ZNF385B: variants seen among roughly 807,000 people sequenced by gnomAD.
The protein encoded by ZNF385B is zinc finger protein 385B, also known as zinc finger protein 533.
A neutral mutation model predicts 39.2 loss-of-function variants in ZNF385B; 23 were observed. The ratio of observed to expected loss-of-function variants is 0.59; its 90% CI spans 0.42 to 0.83. ZNF385B has a LOEUF of 0.83. Ranked by LOEUF, ZNF385B falls within the 40% of genes least tolerant of loss-of-function variation. The probability of loss-of-function intolerance (pLI) is 0.00; values close to 1 mark genes in which losing one functional copy is unlikely to be tolerated. For missense variants in ZNF385B, 552 were observed against 598.9 expected, an observed-to-expected ratio of 0.92 and a Z score of 0.82; for synonymous variants, 205 against 222.6, an observed-to-expected ratio of 0.92 and a Z score of 0.70.
intron 1 of ZNF385B, among the ~76,000 whole-genome samples, chr2:179,856,416 C>T (rs1431030031): frequency 1.3e-5 from 2 of 152,126 alleles, no homozygotes; most frequent in East Asian, 1.9e-4. Context: ...AAGTAACCCA[C>T]GCCCTTCATC....
intron 3 of ZNF385B, among the ~76,000 whole-genome samples, chr2:179,688,030 T>C (rs1421700866): frequency 6.6e-6 from 1 of 152,170 alleles, no homozygotes; most frequent in East Asian, 1.9e-4. Flanking sequence ...GTCTTTCTAA[T>C]CCTCTAGCTA....
At chr2:179,506,822 C>T (rs1044640158) in intron 5 of ZNF385B, among the ~76,000 whole-genome samples, 3 of 151,950 alleles carry the variant, frequency 2.0e-5, no homozygotes, top group Non-Finnish European at 4.4e-5. Flanking sequence ...TTAAAAATGA[C>T]CTGCAATGGG....
intron 1 of ZNF385B, among the ~76,000 whole-genome samples, chr2:179,852,149 T>C (rs1180308498): frequency 6.6e-6 from 1 of 152,168 alleles, no homozygotes; most frequent in Admixed American, 6.6e-5. Flanking sequence ...GGCACAGTCA[T>C]CTCAGTCTCC....
chr2:179,837,134 C>A (rs1278169676), intron 1 of ZNF385B, among the ~76,000 whole-genome samples: 2 of 152,120 alleles, frequency 1.3e-5, no homozygotes, highest in African/African-American at 4.8e-5. Flanking sequence ...CTGAGATTGA[C>A]AATAAAATGT....
intron 3 of ZNF385B, among the ~76,000 whole-genome samples, chr2:179,595,081 C>T (rs1687888732): frequency 6.6e-6 from 1 of 152,062 alleles, no homozygotes; most frequent in African/African-American, 2.4e-5. Context: ...AATCTTTTAT[C>T]TTTACTTACT....
intron 3 of ZNF385B, among the ~76,000 whole-genome samples, chr2:179,669,184 G>A (rs1306341809): frequency 6.6e-6 from 1 of 152,170 alleles, no homozygotes; most frequent in Admixed American, 6.5e-5. Flanking sequence ...CTGAAGCCCA[G>A]AGACTCTAGG....
chr2:179,675,006 T>C (rs570609230), intron 3 of ZNF385B, among the ~76,000 whole-genome samples: 2 of 152,370 alleles, frequency 1.3e-5, no homozygotes, highest in East Asian at 3.9e-4. Flanking sequence ...CCTTGAATAC[T>C]ATGGGAGTTA....
At chr2:179,708,501 T>C (rs903417206) in intron 3 of ZNF385B, among the ~76,000 whole-genome samples, 4 of 152,194 alleles carry the variant, frequency 2.6e-5, no homozygotes, top group African/African-American at 7.2e-5. Flanking sequence ...GGGCCTATAA[T>C]AGCAATAGAT....
intron 1 of ZNF385B, among the ~76,000 whole-genome samples, chr2:179,818,693 G>A (rs569447472): frequency 2.6e-5 from 4 of 152,200 alleles, no homozygotes; most frequent in South Asian, 4.1e-4. Context: ...ACACACTTCC[G>A]GTCAGTTCGT....
chr2:179,590,279 C>T (rs35664499), intron 3 of ZNF385B, among the ~76,000 whole-genome samples: 13,240 of 152,156 alleles, frequency 0.087, 643 homozygotes, highest in Middle Eastern at 0.2. Context: ...CTCTTTGTGT[C>T]TCTGATCTCT....
At chr2:179,496,011 G>A (rs1271163989) in intron 5 of ZNF385B, among the ~76,000 whole-genome samples, 1 of 152,040 alleles carries the variant, frequency 6.6e-6, no homozygotes, top group Non-Finnish European at 1.5e-5. Context: ...AAGACATCAG[G>A]CACCAATCCT....
At chr2:179,752,041 T>C (rs928957663) in intron 3 of ZNF385B, among the ~76,000 whole-genome samples, 10 of 152,252 alleles carry the variant, frequency 6.6e-5, no homozygotes, top group East Asian at 1.9e-4. Flanking sequence ...ACCCATTAAC[T>C]CGTCATTTAC....
chr2:179,493,520 T>C (rs1342332461), intron 5 of ZNF385B, among the ~76,000 whole-genome samples: 2 of 151,354 alleles, frequency 1.3e-5, no homozygotes, highest in Non-Finnish European at 3.0e-5. Context: ...CGTATACATA[T>C]GTGTGTACAT....
intron 3 of ZNF385B, chr2:179,562,580 C>G: frequency 1.0e-6 from 1 of 985,364 alleles, no homozygotes; most frequent in Non-Finnish European, 1.2e-6. Flanking sequence ...CCGCTTAGCT[C>G]TAATTACTAT....
chr2:179,459,507 A>G lies in ZNF385B; in HGVS notation c.716-12737T>C, dbSNP rs568853718. Among the ~76,000 whole-genome samples, 5 of 152,202 alleles carry G rather than the reference A, an allele frequency of 3.3e-5. No homozygotes were observed. The South Asian group carries it at 8.3e-4, about 25-fold the overall frequency. On this transcript the variant is annotated intron_variant, in intron 6 of 9. Transcript: ENST00000410066. ...GCACCTATTATGTGCTATATACTAT[A>G]TCAGGCATGGAAGTTAGCAGTAAAA...
At chr2:179,559,995 A>G (rs146139456) in intron 3 of ZNF385B, among the ~76,000 whole-genome samples, 3 of 152,298 alleles carry the variant, frequency 2.0e-5, no homozygotes, top group African/African-American at 7.2e-5. Flanking sequence ...ATTTTAAAAA[A>G]GTCTACATAT....
At chr2:179,506,245 G>T (rs576158053) in intron 5 of ZNF385B, among the ~76,000 whole-genome samples, 25 of 152,170 alleles carry the variant, frequency 1.6e-4, no homozygotes, top group Non-Finnish European at 2.8e-4. Context: ...TAAAGGCAAA[G>T]AAACAAAACT....
At chr2:179,818,112 G>A (rs1707183832) in intron 1 of ZNF385B, among the ~76,000 whole-genome samples, 1 of 152,164 alleles carries the variant, frequency 6.6e-6, no homozygotes, top group Admixed American at 6.5e-5. Flanking sequence ...AAGTGAGTGT[G>A]TGCATGTGTG....
At chr2:179,845,840 A>G (rs1708773304) in intron 1 of ZNF385B, among the ~76,000 whole-genome samples, 1 of 152,228 alleles carries the variant, frequency 6.6e-6, no homozygotes, top group South Asian at 2.1e-4. Context: ...GGTGGTCTGG[A>G]TATCTTAGAA....
Sources: allele counts gnomAD v4.1 joint callset (sites outside exome capture counted in the v4.1 genomes callset), GRCh38; gene constraint gnomAD v4.1.1; transcripts MANE v1.5; gene names NCBI Gene and HGNC (gene_info 2026-07-23, HGNC 2026-07-21).